NKAIN2: variants seen among roughly 807,000 people sequenced by gnomAD.
The protein encoded by NKAIN2 is sodium/potassium-transporting ATPase subunit beta-1-interacting protein 2.
Under a neutral mutation model 32.6 loss-of-function variants are expected in NKAIN2, and 14 were observed. The observed-to-expected ratio is 0.43, with a 90% confidence interval of 0.28 to 0.67. The LOEUF is 0.67. Ranked by LOEUF, NKAIN2 falls within the 30% of genes least tolerant of loss-of-function variation. The probability of loss-of-function intolerance (pLI) is 0.17; values close to 1 mark genes in which losing one functional copy is unlikely to be tolerated. For missense variants in NKAIN2, 198 were observed against 258.3 expected (o/e 0.77, Z 1.60); for synonymous variants, 80 against 87.2 (o/e 0.92, Z 0.46).
intron 1 of NKAIN2, among the ~76,000 whole-genome samples, chr6:124,085,443 G>T (rs1164227482): frequency 6.6e-6 from 1 of 151,770 alleles, no homozygotes; most frequent in Non-Finnish European, 1.5e-5. Context: ...GGGCAGAAAA[G>T]TTGGAGGATA....
chr6:123,820,260 T>C (rs1211918707), intron 1 of NKAIN2, among the ~76,000 whole-genome samples: 3 of 152,232 alleles, frequency 2.0e-5, no homozygotes, highest in Non-Finnish European at 4.4e-5. Flanking sequence ...GGCAGTTCAC[T>C]AGTTACTCAG....
intron 3 of NKAIN2, among the ~76,000 whole-genome samples, chr6:124,507,513 C>T (rs1435791346): frequency 6.6e-6 from 1 of 152,054 alleles, no homozygotes; most frequent in Non-Finnish European, 1.5e-5. Context: ...TGGTAGTCAG[C>T]GTATCCATCT....
At position 124,092,214 on chromosome 6, in the gene NKAIN2, T is replaced by G. The variant is rs946667352; in HGVS notation, c.55-190791T>G. On this transcript the variant is annotated intron_variant, in intron 1 of 6. Coordinates refer to ENST00000368417, the MANE Select transcript of NKAIN2 (RefSeq NM_001040214.3). ...CAATGCCTGAGAAAATATTTCGGCG[T>G]TTTTTTGTCAGGGGTTGAAGTGGCA... Among the ~76,000 whole-genome samples the G allele has an allele frequency of 2.6e-5, 4 of 152,004 alleles. No individual in the cohort carries two copies. In the South Asian group the frequency reaches 6.2e-4, roughly 24 times the overall value.
At chr6:124,411,933 G>A (rs997892997) in intron 3 of NKAIN2, among the ~76,000 whole-genome samples, 1 of 151,296 alleles carries the variant, frequency 6.6e-6, no homozygotes, top group African/African-American at 2.4e-5. Context: ...CATTCATTTT[G>A]TCTTCCATCG....
chr6:124,174,946 TG>T (rs1789082600), intron 1 of NKAIN2, among the ~76,000 whole-genome samples: 1 of 152,198 alleles, frequency 6.6e-6, no homozygotes, highest in African/African-American at 2.4e-5. Context: ...AAAATGTATA[TG>T]TAAATTTGAA....
chr6:124,655,132 T>C (rs1039774738), intron 3 of NKAIN2, among the ~76,000 whole-genome samples: 8 of 152,104 alleles, frequency 5.3e-5, no homozygotes, highest in African/African-American at 1.9e-4. Context: ...ATGAAATATT[T>C]ATATAATTGT....
chr6:124,625,701 T>TTTA (rs200038892), intron 3 of NKAIN2, among the ~76,000 whole-genome samples: 58 of 4,622 alleles, frequency 0.013, no homozygotes, highest in Middle Eastern at 0.25. Context: ...CTGAAGATGC[T>TTTA]TTATTTATTT....
intron 3 of NKAIN2, among the ~76,000 whole-genome samples, chr6:124,425,790 A>G (rs1386637365): frequency 6.6e-6 from 1 of 152,176 alleles, no homozygotes; most frequent in African/African-American, 2.4e-5. Flanking sequence ...TTATTACCAA[A>G]AAGAGAAAAA....
At chr6:123,993,182 G>A (rs1220351496) in intron 1 of NKAIN2, among the ~76,000 whole-genome samples, 1 of 152,108 alleles carries the variant, frequency 6.6e-6, no homozygotes, top group African/African-American at 2.4e-5. Flanking sequence ...AATTCTTAAG[G>A]CAAAAGGGTA....
At chr6:124,070,340 C>G (rs1049130070) in intron 1 of NKAIN2, among the ~76,000 whole-genome samples, 15 of 152,264 alleles carry the variant, frequency 9.9e-5, no homozygotes, top group African/African-American at 3.6e-4. Flanking sequence ...ACATAATGCA[C>G]TGACTTCCAA....
chr6:124,264,558 G>C (rs1733952434), intron 1 of NKAIN2, among the ~76,000 whole-genome samples: 1 of 152,112 alleles, frequency 6.6e-6, no homozygotes, highest in African/African-American at 2.4e-5. Context: ...TGCTTCTGAT[G>C]AAATTGCTCT....
intron 1 of NKAIN2, among the ~76,000 whole-genome samples, chr6:124,007,692 G>A (rs549282968): frequency 1.0e-3 from 152 of 152,212 alleles, no homozygotes; most frequent in African/African-American, 3.1e-3. Context: ...TATTACATGC[G>A]GATCTCCCAA....
At chr6:124,527,331 C>T (rs147346268) in intron 3 of NKAIN2, among the ~76,000 whole-genome samples, 11 of 152,212 alleles carry the variant, frequency 7.2e-5, no homozygotes, top group African/African-American at 1.7e-4. Context: ...CCTGCCATTA[C>T]GTTTTTATTT....
intron 5 of NKAIN2, among the ~76,000 whole-genome samples, chr6:124,808,556 C>G (rs1045731860): frequency 7.2e-5 from 11 of 152,282 alleles, no homozygotes; most frequent in African/African-American, 2.6e-4. Flanking sequence ...TGGAAGCATT[C>G]CCTTTGAAAA....
intron 3 of NKAIN2, among the ~76,000 whole-genome samples, chr6:124,591,040 C>G (rs531705179): frequency 6.6e-6 from 1 of 152,134 alleles, no homozygotes; most frequent in Admixed American, 6.6e-5. Flanking sequence ...TTTAGGAGCC[C>G]GATTTGCTTT....
chr6:124,801,389 A>T (rs958595955), intron 5 of NKAIN2, among the ~76,000 whole-genome samples: 2 of 152,206 alleles, frequency 1.3e-5, no homozygotes, highest in East Asian at 3.9e-4. Flanking sequence ...ACCTACTGTA[A>T]TCCCCCAATT....
At chr6:123,812,840 G>T (rs542185394) in intron 1 of NKAIN2, among the ~76,000 whole-genome samples, 1 of 152,290 alleles carries the variant, frequency 6.6e-6, no homozygotes, top group African/African-American at 2.4e-5. Context: ...GCATTCTTTG[G>T]AAACAAATGA....
intron 4 of NKAIN2, among the ~76,000 whole-genome samples, chr6:124,729,746 T>C (rs1776555911): frequency 6.6e-6 from 1 of 151,350 alleles, no homozygotes; most frequent in Non-Finnish European, 1.5e-5. Flanking sequence ...GGGTATTCAA[T>C]TAGGAAAAGA....
intron 1 of NKAIN2, among the ~76,000 whole-genome samples, chr6:124,103,179 A>G (rs1275481235): frequency 6.6e-6 from 1 of 152,196 alleles, no homozygotes; most frequent in Non-Finnish European, 1.5e-5. Flanking sequence ...TCAGATATTT[A>G]GACAGACTGA....
Sources: allele counts gnomAD v4.1 joint callset (sites outside exome capture counted in the v4.1 genomes callset), GRCh38; gene constraint gnomAD v4.1.1; transcripts MANE v1.5; gene names NCBI Gene and HGNC (gene_info 2026-07-23, HGNC 2026-07-21).